The following ADAMTSL1 variants were observed in gnomAD, a reference collection of about 807,000 sequenced individuals.
ADAMTSL1 encodes the protein ADAMTS like 1.
In ADAMTSL1, 126 loss-of-function variants were observed where a neutral mutation model predicts 201.8. That is an observed-to-expected ratio of 0.62 (90% CI 0.54 to 0.72). The LOEUF is 0.72. Ranked by LOEUF, ADAMTSL1 falls within the 30% of genes least tolerant of loss-of-function variation. The pLI is 0.00. For missense variants in ADAMTSL1, 2,679 were observed against 2,277.8 expected (o/e 1.18, Z -3.59); for synonymous variants, 1,121 against 903.4 (o/e 1.24, Z -4.32).
At chr9:18,117,718 C>G (rs753060747) in intron 1 of ADAMTSL1, among the ~76,000 whole-genome samples, 2 of 152,112 alleles carry the variant, frequency 1.3e-5, no homozygotes, top group African/African-American at 2.4e-5. Flanking sequence ...GGGCAGGGGT[C>G]TTTGTTTTTC....
chr9:18,520,281 A>C (rs1818614976), intron 2 of ADAMTSL1, among the ~76,000 whole-genome samples: 1 of 152,244 alleles, frequency 6.6e-6, no homozygotes, highest in African/African-American at 2.4e-5. Context: ...ATGTTGTCTT[A>C]GACCGTTTAC....
At chr9:18,678,299 C>T (rs1830238820) in intron 10 of ADAMTSL1, among the ~76,000 whole-genome samples, 1 of 151,816 alleles carries the variant, frequency 6.6e-6, no homozygotes, top group South Asian at 2.1e-4. Context: ...TTTTTTTATT[C>T]CAAGCACTTA....
rs1395329616 is a variant in ADAMTSL1, at chr9:18,650,621, T to C, written c.835-7018T>C. ...AGACTTTTTAGTGCAAAAGGAAGAT[T>C]TTGTGACAGTGAGCAATTGTTATAT... On this transcript the variant is annotated intron_variant, in intron 7 of 28. Transcript: ENST00000380548. 2.0e-5 allele frequency among the ~76,000 whole-genome samples: 3 copies of C among 152,302 alleles called. No homozygotes were observed. The East Asian group carries it at 5.8e-4, about 29-fold the overall frequency.
intron 3 of ADAMTSL1, among the ~76,000 whole-genome samples, chr9:18,563,148 G>A (rs1450930740): frequency 6.6e-6 from 1 of 152,164 alleles, no homozygotes; most frequent in Non-Finnish European, 1.5e-5. Flanking sequence ...CATCTTAATG[G>A]ATTTATCTAC....
chr9:18,082,083 A>G (rs554029279), intron 1 of ADAMTSL1, among the ~76,000 whole-genome samples: 127 of 152,334 alleles, frequency 8.3e-4, no homozygotes, highest in Middle Eastern at 3.4e-3. Flanking sequence ...TTAACACAAA[A>G]CCAAAATGCA....
chr9:18,785,683 A>G (rs1026184905), intron 19 of ADAMTSL1, among the ~76,000 whole-genome samples: 2 of 152,246 alleles, frequency 1.3e-5, no homozygotes, highest in African/African-American at 4.8e-5. Flanking sequence ...TGGATAGAGT[A>G]TAACACCCCT....
chr9:17,926,506 G>A (rs1191526169), intron 1 of ADAMTSL1, among the ~76,000 whole-genome samples: 1 of 152,174 alleles, frequency 6.6e-6, no homozygotes, highest in Non-Finnish European at 1.5e-5. Context: ...AGCCACCCAG[G>A]AAGGAGGAGG....
intron 2 of ADAMTSL1, among the ~76,000 whole-genome samples, chr9:18,446,552 T>A (rs1031296143): frequency 1.3e-5 from 2 of 152,250 alleles, no homozygotes; most frequent in African/African-American, 2.4e-5. Flanking sequence ...ATGTTTATTG[T>A]AATGTGAACG....
intron 26 of ADAMTSL1, among the ~76,000 whole-genome samples, chr9:18,902,050 A>G (rs1252603639): frequency 6.6e-6 from 1 of 152,234 alleles, no homozygotes; most frequent in African/African-American, 2.4e-5. Flanking sequence ...AAAAGGGTCA[A>G]TATACCAAGA....
intron 3 of ADAMTSL1, among the ~76,000 whole-genome samples, chr9:18,562,061 A>G (rs572382535): frequency 6.6e-6 from 1 of 152,284 alleles, no homozygotes; most frequent in South Asian, 2.1e-4. Context: ...TGATCCTGTC[A>G]TTATGATGCC....
intron 1 of ADAMTSL1, among the ~76,000 whole-genome samples, chr9:18,026,947 G>T (rs868648958): frequency 6.6e-6 from 1 of 151,940 alleles, no homozygotes; most frequent in South Asian, 2.1e-4. Flanking sequence ...GGAGTTATGT[G>T]TTTCCAGGAA....
intron 1 of ADAMTSL1, among the ~76,000 whole-genome samples, chr9:18,058,799 T>C (rs1389224246): frequency 2.0e-5 from 3 of 152,208 alleles, no homozygotes; most frequent in Admixed American, 6.5e-5. Flanking sequence ...CAAGCAGGGA[T>C]GTTTGCCTCT....
intron 19 of ADAMTSL1, among the ~76,000 whole-genome samples, chr9:18,789,052 A>G (rs867231896): frequency 6.6e-6 from 1 of 152,128 alleles, no homozygotes; most frequent in African/African-American, 2.4e-5. Context: ...GGTCCCATGC[A>G]CAGCAAACCC....
intron 1 of ADAMTSL1, among the ~76,000 whole-genome samples, chr9:18,482,719 C>A (rs1821790782): frequency 6.6e-6 from 1 of 152,090 alleles, no homozygotes; most frequent in Non-Finnish European, 1.5e-5. Flanking sequence ...TCTCAGTCAC[C>A]ATTTGAAGTC....
chr9:17,934,923 T>G (rs1826945475), intron 1 of ADAMTSL1, among the ~76,000 whole-genome samples: 1 of 146,046 alleles, frequency 6.8e-6, no homozygotes, highest in East Asian at 2.1e-4. Flanking sequence ...AAAAAAAAAC[T>G]TCTGTATTGG....
intron 23 of ADAMTSL1, among the ~76,000 whole-genome samples, chr9:18,885,777 G>T (rs780272836): frequency 6.6e-6 from 1 of 152,136 alleles, no homozygotes; most frequent in Non-Finnish European, 1.5e-5. Flanking sequence ...AGTGAGCAAA[G>T]AAACGAAGGA....
intron 1 of ADAMTSL1, among the ~76,000 whole-genome samples, chr9:18,075,025 TTCCTGCTTCCCTCTTGCCC>T (rs1400502700): frequency 6.6e-6 from 1 of 152,152 alleles, no homozygotes; most frequent in Non-Finnish European, 1.5e-5. Flanking sequence ...CTTTCCTGCC[TTCCTGCTTCCCTCTTGCCC>T]TCCCTCACTC....
chr9:18,302,384 C>T (rs1001045728), intron 2 of ADAMTSL1, among the ~76,000 whole-genome samples: 10 of 152,122 alleles, frequency 6.6e-5, no homozygotes, highest in African/African-American at 2.4e-4. Context: ...TGTGTTATAC[C>T]TTCAGTATGC....
intron 1 of ADAMTSL1, among the ~76,000 whole-genome samples, chr9:18,131,477 C>T (rs10756940): frequency 0.37 from 56,846 of 151,948 alleles, 11,776 homozygotes; most frequent in South Asian, 0.47. Flanking sequence ...TGATTAGTCT[C>T]GTATGATGAG....
Sources: gnomAD v4.1 joint callset for allele counts (sites outside exome capture counted in the v4.1 genomes callset) on GRCh38, gnomAD v4.1.1 for gene constraint, MANE v1.5 for transcripts, NCBI Gene and HGNC (gene_info 2026-07-23, HGNC 2026-07-21) for gene names.